Variants in DACH1 observed in about 807,000 individuals in gnomAD.
DACH1 encodes the protein dachshund family transcription factor 1.
Under a neutral mutation model 54.2 loss-of-function variants are expected in DACH1, and 12 were observed. The observed-to-expected ratio is 0.22, with a 90% CI of 0.14 to 0.36. The LOEUF is 0.36. Ranked by LOEUF, DACH1 falls within the 10% of genes least tolerant of loss-of-function variation. DACH1 has a pLI of 1.00. For missense variants in DACH1, 805 were observed against 929.8 expected, an observed-to-expected ratio of 0.87 and a Z score of 1.75; for synonymous variants, 386 against 366.2, an observed-to-expected ratio of 1.05 and a Z score of -0.62.
At chr13:71,725,133 A>C (rs1178757390) in intron 1 of DACH1, among the ~76,000 whole-genome samples, 2 of 152,170 alleles carry the variant, frequency 1.3e-5, no homozygotes, top group African/African-American at 2.4e-5. Flanking sequence ...AATTAGTACA[A>C]CAAAAAAGAC....
chr13:71,783,082 A>G (rs1427681323), intron 1 of DACH1, among the ~76,000 whole-genome samples: 1 of 152,196 alleles, frequency 6.6e-6, no homozygotes, highest in Non-Finnish European at 1.5e-5. Context: ...TTGCTTCAAA[A>G]GACCAGTCAG....
Position 71,475,015 on chromosome 13 carries a change from C to T in DACH1, c.2083+126G>A. 1.0e-5 allele frequency: 8 copies of T among 762,652 alleles called. 1 individual carries two copies. Among genetic ancestry groups the T allele is most frequent in the South Asian group, 1.0e-4 (6 of 60,138 alleles). 47.2% of individuals were successfully genotyped at this position (762,652 alleles called of 1,614,324 possible). On this transcript the variant is annotated intron_variant, in intron 10 of 10. Coordinates refer to ENST00000613252, the MANE Select transcript of DACH1 (RefSeq NM_080759.6). ...CACTCATATAAACAAGCAAGATGAACTTGACCTTGTTTGAACTTGTTTTGA... is the reference window on the plus strand; with the variant it reads ...CACTCATATAAACAAGCAAGATGAATTTGACCTTGTTTGAACTTGTTTTGA...
chr13:71,730,829 T>C (rs916483751), intron 1 of DACH1, among the ~76,000 whole-genome samples: 16 of 151,212 alleles, frequency 1.1e-4, no homozygotes, highest in African/African-American at 3.9e-4. Context: ...GCTACAATTA[T>C]ACAAATCAGT....
chr13:71,515,115 C>A (rs528997976), intron 6 of DACH1, among the ~76,000 whole-genome samples: 4 of 151,784 alleles, frequency 2.6e-5, no homozygotes, highest in African/African-American at 9.7e-5. Context: ...GATATTTTTC[C>A]AGAATACATT....
intron 6 of DACH1, among the ~76,000 whole-genome samples, chr13:71,527,818 G>T (rs1469021552): frequency 1.3e-5 from 2 of 151,844 alleles, no homozygotes; most frequent in African/African-American, 2.4e-5. Flanking sequence ...TTATTTTTCT[G>T]GATGAAAAAG....
In DACH1 at chr13:71,440,509, A is replaced by G; in HGVS notation, c.*146T>C. The stretch of plus-strand genomic sequence containing the variant: ...TGGAGAAAACTTTTTTTTTTTTTGT[A>G]GAATACTTAAACTTTTAAAGAACAT... On this transcript the variant is annotated 3_prime_UTR_variant, in exon 11 of 11. Transcript: ENST00000613252. 1 of 483,434 alleles carries G rather than the reference A, an allele frequency of 2.1e-6. No individual in the cohort carries two copies. Among genetic ancestry groups the G allele is most frequent in the Non-Finnish European group, 3.5e-6 (1 of 283,776 alleles). 29.9% of individuals were successfully genotyped at this position (483,434 alleles called of 1,614,324 possible).
intron 2 of DACH1, among the ~76,000 whole-genome samples, chr13:71,663,267 C>A (rs1272883166): frequency 6.6e-6 from 1 of 151,476 alleles, no homozygotes; most frequent in Admixed American, 6.6e-5. Context: ...TAACATCAAT[C>A]AGTTATCTTT....
chr13:71,569,559 T>C (rs900793816), intron 4 of DACH1, among the ~76,000 whole-genome samples: 3 of 152,150 alleles, frequency 2.0e-5, no homozygotes, highest in Admixed American at 6.6e-5. Flanking sequence ...TCACCCAACG[T>C]TGGCAGCTTG....
At chr13:71,492,508 A>G (rs567024853) in intron 6 of DACH1, among the ~76,000 whole-genome samples, 2 of 152,266 alleles carry the variant, frequency 1.3e-5, no homozygotes, top group South Asian at 4.1e-4. Flanking sequence ...GAGATAAAAA[A>G]TGGCCCTTGG....
intron 6 of DACH1, among the ~76,000 whole-genome samples, chr13:71,528,343 T>C (rs781593001): frequency 2.0e-5 from 3 of 151,666 alleles, no homozygotes; most frequent in Non-Finnish European, 4.4e-5. Context: ...GTTAATTTCA[T>C]CAACTATGGA....
chr13:71,625,312 C>T (rs1341058286), intron 3 of DACH1, among the ~76,000 whole-genome samples: 2 of 151,986 alleles, frequency 1.3e-5, no homozygotes, highest in African/African-American at 4.8e-5. Flanking sequence ...TGGTGGCCTG[C>T]GTTCTCAGTT....
intron 1 of DACH1, among the ~76,000 whole-genome samples, chr13:71,818,545 C>T (rs942175369): frequency 4.6e-5 from 7 of 152,132 alleles, no homozygotes; most frequent in African/African-American, 1.4e-4. Context: ...TTATCATCTC[C>T]GGGGCTGTGA....
intron 6 of DACH1, among the ~76,000 whole-genome samples, chr13:71,502,250 C>T (rs1394679727): frequency 6.6e-6 from 1 of 152,130 alleles, no homozygotes; most frequent in Admixed American, 6.6e-5. Context: ...TTGACTACTA[C>T]TGATACACTT....
chr13:71,774,344 G>C (rs1885978981), intron 1 of DACH1, among the ~76,000 whole-genome samples: 1 of 152,018 alleles, frequency 6.6e-6, no homozygotes, highest in Non-Finnish European at 1.5e-5. Context: ...TCTCAGTATG[G>C]AGGGTTTCTG....
intron 1 of DACH1, among the ~76,000 whole-genome samples, chr13:71,736,616 AT>A (rs903292229): frequency 2.0e-5 from 3 of 151,912 alleles, no homozygotes; most frequent in Non-Finnish European, 2.9e-5. Flanking sequence ...GTGCACTGCT[AT>A]TTTTTTTCCC....
intron 4 of DACH1, among the ~76,000 whole-genome samples, chr13:71,570,450 G>T (rs188197084): frequency 2.2e-4 from 33 of 152,194 alleles, no homozygotes; most frequent in Non-Finnish European, 2.9e-5. Flanking sequence ...TTTGATGTTG[G>T]CAATAAAAAC....
At chr13:71,563,660 G>A (rs1464533740) in intron 4 of DACH1, among the ~76,000 whole-genome samples, 2 of 151,646 alleles carry the variant, frequency 1.3e-5, no homozygotes, top group African/African-American at 4.8e-5. Flanking sequence ...ATTATACTAA[G>A]TAAAAATAAA....
intron 2 of DACH1, chr13:71,675,300 T>C: frequency 6.2e-7 from 1 of 1,603,440 alleles, no homozygotes; most frequent in Non-Finnish European, 8.5e-7. Flanking sequence ...CTCAGTACTT[T>C]AAAACAGATC....
At position 71,664,669 on chromosome 13, in the gene DACH1, A is replaced by G. The variant is rs112580350; in HGVS notation, c.964+17126T>C. On this transcript the variant is annotated intron_variant, in intron 2 of 10. Coordinates refer to ENST00000613252, the MANE Select transcript of DACH1 (RefSeq NM_080759.6). ...GGAAAGAAATAGGATATTTTGGTAC[A>G]TATTCCATAGATTTTTGAGCAAGAA... Among the ~76,000 whole-genome samples the G allele has an allele frequency of 3.3e-5, 5 of 152,168 alleles. 1 individual carries two copies. The highest frequency in any genetic ancestry group is 1.2e-4 in the African/African-American group (5 of 41,576).
Sources: allele counts gnomAD v4.1 joint callset (sites outside exome capture counted in the v4.1 genomes callset), GRCh38; gene constraint gnomAD v4.1.1; transcripts MANE v1.5; gene names NCBI Gene and HGNC (gene_info 2026-07-23, HGNC 2026-07-21).